SYNE3: variants seen among roughly 807,000 people sequenced by gnomAD.
The protein encoded by SYNE3 is nesprin-3.
In SYNE3, 100 loss-of-function variants were observed where a neutral mutation model predicts 111.2. The ratio of observed to expected loss-of-function variants is 0.90; its 90% CI spans 0.77 to 1.06. SYNE3 has a LOEUF of 1.06. SYNE3 is among the 50% of genes least tolerant of loss of function. The pLI, the probability that SYNE3 is intolerant of heterozygous loss-of-function variation, is 0.00. For missense variants in SYNE3, 1,160 were observed against 1,240.3 expected, an observed-to-expected ratio of 0.94 and a Z score of 0.97; for synonymous variants, 547 against 533.9, an observed-to-expected ratio of 1.02 and a Z score of -0.34.
rs1481839355 is a variant in SYNE3, at chr14:95,467,682, C to T, written c.317+113G>A. ...CCCTAATCCCAAGAGAATATCCTGT[C>T]CCCCAGAATCCCAGGACTGGAGAAA... On this transcript the variant is annotated intron_variant, in intron 3 of 17. Transcript: ENST00000682763. The T allele has an allele frequency of 3.1e-6, 4 of 1,289,800 alleles. No individual in the cohort carries two copies. The South Asian group carries it at 4.1e-5, about 13-fold the overall frequency. The allele number at this position is 1,289,800 out of a possible 1,614,324, so 79.9% of individuals were successfully genotyped here.
intron 15 of SYNE3, among the ~76,000 whole-genome samples, chr14:95,434,040 G>A (rs187596810): frequency 2.2e-4 from 34 of 152,094 alleles, no homozygotes; most frequent in African/African-American, 7.5e-4. Flanking sequence ...CTTGAGGAAC[G>A]GAAAGTCATT....
intron 2 of SYNE3, among the ~76,000 whole-genome samples, chr14:95,473,192 A>G (rs758694720): frequency 9.2e-5 from 14 of 152,110 alleles, no homozygotes; most frequent in African/African-American, 1.4e-4. Context: ...CGCTCAGGCC[A>G]TGACTCCCCT....
chr14:95,429,614 G>T (rs930969463), intron 17 of SYNE3, among the ~76,000 whole-genome samples: 1 of 152,130 alleles, frequency 6.6e-6, no homozygotes, highest in East Asian at 1.9e-4. Context: ...GCTGAGATCC[G>T]TTAGCTCAAA....
intron 6 of SYNE3, among the ~76,000 whole-genome samples, chr14:95,454,577 A>G (rs928941776): frequency 2.0e-5 from 3 of 152,238 alleles, no homozygotes; most frequent in Admixed American, 2.0e-4. Flanking sequence ...GAAGGTGATA[A>G]CTGCAGGGTA....
intron 11 of SYNE3, among the ~76,000 whole-genome samples, chr14:95,442,941 C>T (rs1377854594): frequency 6.6e-6 from 1 of 152,186 alleles, no homozygotes; most frequent in East Asian, 1.9e-4. Context: ...GCTCTGCTAC[C>T]TCCATCCTTA....
intron 14 of SYNE3, 118 bp downstream of exon 14, chr14:95,438,915 A>T: frequency 7.1e-7 from 1 of 1,416,124 alleles, no homozygotes; most frequent in Non-Finnish European, 9.7e-7. Flanking sequence ...GGACGTGGCC[A>T]AGTCCTCAGA....
At chr14:95,482,260 C>T (rs1248000435) in intron 1 of SYNE3, among the ~76,000 whole-genome samples, 1 of 152,132 alleles carries the variant, frequency 6.6e-6, no homozygotes, top group African/African-American at 2.4e-5. Context: ...ATGGTGAAAC[C>T]CTGTCTCTAC....
intron 15 of SYNE3, among the ~76,000 whole-genome samples, chr14:95,435,778 G>A (rs559918882): frequency 6.6e-6 from 1 of 152,196 alleles, no homozygotes; most frequent in Non-Finnish European, 1.5e-5. Flanking sequence ...GCCTGGTTGA[G>A]AATGGCCTTG....
In SYNE3 at chr14:95,424,013, A is replaced by G. The variant is rs1230632564; in HGVS notation, c.2728-5987T>C. Among the ~76,000 whole-genome samples the G allele has an allele frequency of 5.3e-5, 8 of 151,596 alleles. 1 individual carries two copies. The South Asian group carries it at 6.2e-4, about 12-fold the overall frequency. ...GATGGGCATGGGAGGTCAGCTTTAG[A>G]TGTGATGAGTGGGAGGTGCCTGTGG... On this transcript the variant is annotated intron_variant, in intron 17 of 17. Coordinates refer to ENST00000682763, the MANE Select transcript of SYNE3 (RefSeq NM_152592.6).
rs1049553004 is a variant in SYNE3 at position 95,429,983 on chromosome 14, G to A, written c.2727+2096C>T. 3 of 660,630 alleles carry A rather than the reference G, an allele frequency of 4.5e-6. No individual in the cohort carries two copies. The African/African-American group carries it at 6.7e-5, about 15-fold the overall frequency. 40.9% of individuals were successfully genotyped at this position (660,630 alleles called of 1,614,324 possible). ...AGTCAGAACTAAGGAAGGAAGGAAGGAAGGAAGGAAGGAAGGAAAGAAGGG... is the reference window on the plus strand; with the variant it reads ...AGTCAGAACTAAGGAAGGAAGGAAGAAAGGAAGGAAGGAAGGAAAGAAGGG... On this transcript the variant is annotated intron_variant, in intron 17 of 17. Coordinates refer to ENST00000682763, the MANE Select transcript of SYNE3 (RefSeq NM_152592.6).
intron 15 of SYNE3, 92 bp downstream of exon 15, chr14:95,436,728 G>T: frequency 7.1e-7 from 1 of 1,415,968 alleles, no homozygotes; most frequent in Non-Finnish European, 9.7e-7. Flanking sequence ...CACAAACTGT[G>T]GGTGTGTTCC....
In SYNE3 at chr14:95,415,755, G is replaced by A. The variant is rs1418084361; in HGVS notation, c.*2071C>T. 3 of 151,852 alleles carry A rather than the reference G, an allele frequency of 2.0e-5. No homozygotes were observed. The highest frequency in any genetic ancestry group is 7.3e-5 in the African/African-American group (3 of 41,310). The allele number at this position is 151,852 out of a possible 1,614,324, so 9.4% of individuals were successfully genotyped here. A position where few individuals can be genotyped will look rare whatever the true frequency, so the allele number is the denominator to read the frequency against. On this transcript the variant is annotated 3_prime_UTR_variant, in exon 18 of 18. Coordinates refer to ENST00000682763, the MANE Select transcript of SYNE3 (RefSeq NM_152592.6). ...CATGCCTGTAATCCCAGTGCTTTGGGACGCTGAGGTGGGCGGATCACCTGA... is the reference window on the plus strand; with the variant it reads ...CATGCCTGTAATCCCAGTGCTTTGGAACGCTGAGGTGGGCGGATCACCTGA...
At chr14:95,453,175 T>C (rs1887197687) in intron 6 of SYNE3, among the ~76,000 whole-genome samples, 1 of 152,148 alleles carries the variant, frequency 6.6e-6, no homozygotes, top group Non-Finnish European at 1.5e-5. Context: ...CTTTGATAAA[T>C]GGGGCCACTC....
intron 13 of SYNE3, 52 bp from the exon 14 acceptor site, chr14:95,439,214 C>T: frequency 6.2e-7 from 1 of 1,608,000 alleles, no homozygotes; most frequent in Non-Finnish European, 8.5e-7. Context: ...GGGGACCCAC[C>T]AGGACATGGG....
At chr14:95,452,518 GC>G in intron 6 of SYNE3, 135 bp from the exon 7 acceptor site, 1 of 1,200,052 alleles carries the variant, frequency 8.3e-7, no homozygotes. Context: ...AGGAACTGGG[GC>G]CCCACTCTTG....
At chr14:95,504,755 A>T (rs1322556631) in intron 1 of SYNE3, among the ~76,000 whole-genome samples, 1 of 152,194 alleles carries the variant, frequency 6.6e-6, no homozygotes, top group Non-Finnish European at 1.5e-5. Context: ...CCAAGGAGGG[A>T]GGATCACTTG....
At chr14:95,493,982 C>T (rs1196468906) in intron 1 of SYNE3, among the ~76,000 whole-genome samples, 1 of 151,984 alleles carries the variant, frequency 6.6e-6, no homozygotes, top group African/African-American at 2.4e-5. Context: ...ATGGCCTGCC[C>T]AAGATTCCAG....
In SYNE3 at chr14:95,409,048, T is replaced by G; in HGVS notation, c.*8778A>C. 1 of 423,170 alleles carries G rather than the reference T, an allele frequency of 2.4e-6. No homozygotes were observed. Among genetic ancestry groups the G allele is most frequent in the South Asian group, 1.7e-5 (1 of 58,934 alleles). 26.2% of individuals were successfully genotyped at this position (423,170 alleles called of 1,614,324 possible). A position where few individuals can be genotyped will look rare whatever the true frequency, so the allele number is the denominator to read the frequency against. ...AGGAAAGCAGCATGCTGCCCCTGCT[T>G]TGGAATGTTGCCCTCCAGCTAACTC... is the stretch of plus-strand genomic sequence containing the variant. On this transcript the variant is annotated 3_prime_UTR_variant, in exon 18 of 18. Coordinates refer to ENST00000682763, the MANE Select transcript of SYNE3 (RefSeq NM_152592.6).
rs561667616 is a variant in SYNE3 at position 95,475,103 on chromosome 14, C to T, written c.144+575G>A. The stretch of plus-strand genomic sequence containing the variant: ...TGTCCCCAGGCCACGGGCGACCCAC[C>T]CTCAGACAGGGGCACCACGATGCCA... On this transcript the variant is annotated intron_variant, in intron 2 of 17. Coordinates refer to ENST00000682763, the MANE Select transcript of SYNE3 (RefSeq NM_152592.6). Among the ~76,000 whole-genome samples the T allele has an allele frequency of 3.3e-3, 497 of 152,372 alleles. 3 individuals carry two copies. Among genetic ancestry groups the T allele is most frequent in the African/African-American group, 0.011 (461 of 41,586 alleles).
Sources: allele counts gnomAD v4.1 joint callset (sites outside exome capture counted in the v4.1 genomes callset), GRCh38; gene constraint gnomAD v4.1.1; transcripts MANE v1.5; gene names NCBI Gene and HGNC (gene_info 2026-07-23, HGNC 2026-07-21).